Variants in GRIK5 observed in about 807,000 individuals in gnomAD.
GRIK5 encodes glutamate receptor ionotropic, kainate 5.
Under a neutral mutation model 97.4 loss-of-function variants are expected in GRIK5, and 43 were observed. The ratio of observed to expected loss-of-function variants is 0.44; its 90% confidence interval spans 0.35 to 0.57. The LOEUF (loss-of-function observed/expected upper bound fraction) is 0.57. Among genes scored for constraint, GRIK5 ranks in the 20% least tolerant of loss-of-function variants. The probability of loss-of-function intolerance (pLI) is 0.01; values close to 1 mark genes in which losing one functional copy is unlikely to be tolerated. For missense variants in GRIK5, 1,015 were observed against 1,382.0 expected, an observed-to-expected ratio of 0.73 and a Z score of 4.21; for synonymous variants, 580 against 583.5, an observed-to-expected ratio of 0.99 and a Z score of 0.09.
At chr19:42,060,554 C>T (rs937972599) in intron 5 of GRIK5, among the ~76,000 whole-genome samples, 2 of 151,116 alleles carry the variant, frequency 1.3e-5, no homozygotes, top group Non-Finnish European at 2.9e-5. Context: ...CCAGGCCTGG[C>T]ACATAGCAGC....
At chr19:42,014,313 G>T (rs2075600457) in intron 15 of GRIK5, among the ~76,000 whole-genome samples, 1 of 151,956 alleles carries the variant, frequency 6.6e-6, no homozygotes, top group Non-Finnish European at 1.5e-5. Context: ...AGAATTGCTT[G>T]AACCTGGGAG....
At chr19:42,035,182 T>C (rs2075887338) in intron 12 of GRIK5, among the ~76,000 whole-genome samples, 1 of 151,864 alleles carries the variant, frequency 6.6e-6, no homozygotes, top group African/African-American at 2.4e-5. Flanking sequence ...GGTTTCTCCA[T>C]GTTGGTCAGG....
At chr19:42,055,704 G>A (rs753362692) in intron 8 of GRIK5, among the ~76,000 whole-genome samples, 30 of 152,176 alleles carry the variant, frequency 2.0e-4, no homozygotes, top group Admixed American at 6.5e-4. Flanking sequence ...TTTTGAGACA[G>A]AGTCTTGCTC....
intron 12 of GRIK5, among the ~76,000 whole-genome samples, chr19:42,037,042 C>A (rs2075914807): frequency 6.6e-6 from 1 of 152,236 alleles, no homozygotes; most frequent in Admixed American, 6.5e-5. Context: ...TAGCCGACTC[C>A]AAAACCCATT....
At chr19:42,034,714 C>T (rs1193802083) in intron 12 of GRIK5, among the ~76,000 whole-genome samples, 1 of 152,096 alleles carries the variant, frequency 6.6e-6, no homozygotes, top group East Asian at 1.9e-4. Context: ...CCTTTTAGGT[C>T]TCTTCTCAAA....
intron 3 of GRIK5, among the ~76,000 whole-genome samples, chr19:42,063,758 C>T (rs2076290761): frequency 6.6e-6 from 1 of 152,140 alleles, no homozygotes; most frequent in Non-Finnish European, 1.5e-5. Context: ...TGCCTGAATC[C>T]AGCCATGCCT....
Position 42,062,620 on chromosome 19 carries a change from G to A in GRIK5, c.376C>T (p.Pro126Ser). 1 of 1,614,154 alleles carries A rather than the reference G, an allele frequency of 6.2e-7. No individual in the cohort carries two copies. The highest frequency in any genetic ancestry group is 2.2e-5 in the East Asian group (1 of 44,870). ...PHIKVGPEET[P>S]RLQYLRFASV... ...GCGAAGCGAAGGTACTGAAGGCGGG[G>A]TGTCTCCTCGGGACCCACCTTGATG... The change falls in exon 5 of 20, where the codon CCC becomes TCC. Residue 126 changes from proline (P) to serine (S), a missense_variant. Around this residue, in one of 5 missense-constraint regions of GRIK5, gnomAD observed 198 missense variants for 218.2 expected, o/e 0.91. Coordinates refer to ENST00000593562, the MANE Select transcript of GRIK5 (RefSeq NM_002088.5). This position sits in a 1 kb window ranked among gnomAD's most constrained non-coding sequence, Gnocchi z 5.3.
intron 12 of GRIK5, among the ~76,000 whole-genome samples, chr19:42,040,778 C>T (rs1027305012): frequency 7.9e-5 from 12 of 152,028 alleles, no homozygotes; most frequent in Non-Finnish European, 1.6e-4. Flanking sequence ...CGCTTGAACC[C>T]GGGAGGTGGA....
At chr19:42,053,570 C>T in intron 11 of GRIK5, 32 bp downstream of exon 11, 1 of 1,308,558 alleles carries the variant, frequency 7.6e-7, no homozygotes, top group Non-Finnish European at 1.1e-6. Context: ...CAGGGCAGCG[C>T]CACTCCCAGG....
At chr19:42,041,075 T>C (rs926346304) in intron 12 of GRIK5, among the ~76,000 whole-genome samples, 3 of 152,048 alleles carry the variant, frequency 2.0e-5, no homozygotes, top group Non-Finnish European at 4.4e-5. Flanking sequence ...CTGAGGGAGT[T>C]TGCAATTGGA....
chr19:42,003,355 G>T lies in GRIK5; in HGVS notation c.2491C>A (p.Arg831=), dbSNP rs1555871517. Residue 831 remains arginine (R), a synonymous_variant, in exon 19 of 20, where the codon CGG becomes AGG. Transcript: ENST00000593562. This position sits in a 1 kb window ranked among gnomAD's most constrained non-coding sequence, Gnocchi z 4.2. ...ACCTCCTCGGACTCAGCTGACCTCC[G>T]TGTGGACCATATGAATTCCATGACC... is the stretch of plus-strand genomic sequence containing the variant. ...VAVMEFIWST[R]RSAESEEVSV... is the part of the protein sequence containing the mutation. 6.5e-7 allele frequency: 1 copy of T among 1,544,978 alleles called. No homozygotes were observed. Among genetic ancestry groups the T allele is most frequent in the South Asian group, 1.1e-5 (1 of 89,488 alleles).
intron 12 of GRIK5, among the ~76,000 whole-genome samples, chr19:42,034,369 G>A (rs962407616): frequency 1.3e-5 from 2 of 152,036 alleles, no homozygotes; most frequent in African/African-American, 4.8e-5. Context: ...GCAAGACCCT[G>A]TTTCAAAAAC....
At chr19:42,043,458 T>C (rs372507173) in intron 11 of GRIK5, among the ~76,000 whole-genome samples, 102 of 141,562 alleles carry the variant, frequency 7.2e-4, no homozygotes, top group African/African-American at 2.6e-3. Context: ...CAGGCTGGAG[T>C]GCAGTGGCGC....
intron 8 of GRIK5, 99 bp from the exon 9 acceptor site, chr19:42,054,571 C>T: frequency 7.4e-7 from 1 of 1,354,694 alleles, no homozygotes; most frequent in South Asian, 1.3e-5. Context: ...CCTCAAATAA[C>T]TTCCCTCTCC....
At chr19:42,014,238 C>CCAAAA (rs1568888307) in intron 15 of GRIK5, among the ~76,000 whole-genome samples, 1 of 151,136 alleles carries the variant, frequency 6.6e-6, no homozygotes, top group African/African-American at 2.4e-5. Flanking sequence ...TACTAAAATA[C>CCAAAA]AAAAAATTAG....
chr19:41,998,816 G>T lies in GRIK5; in HGVS notation c.*55C>A. ...GCGGGAGCGGAGACTGCTGGGGCCT[G>T]GGGCGGGCCCCGTCCCTTCGGTCAG... On this transcript the variant is annotated 3_prime_UTR_variant, in exon 20 of 20. Coordinates refer to ENST00000593562, the MANE Select transcript of GRIK5 (RefSeq NM_002088.5). 2 of 931,422 alleles carry T rather than the reference G, an allele frequency of 2.1e-6. No individual in the cohort carries two copies. Among genetic ancestry groups the T allele is most frequent in the South Asian group, 5.2e-5 (1 of 19,284 alleles). The allele number at this position is 931,422 out of a possible 1,614,324, so 57.7% of individuals were successfully genotyped here.
At chr19:42,018,031 C>T (rs1031491845) in intron 15 of GRIK5, among the ~76,000 whole-genome samples, 1 of 151,480 alleles carries the variant, frequency 6.6e-6, no homozygotes, top group Non-Finnish European at 1.5e-5. Flanking sequence ...TACTGACTCC[C>T]GGCTGGGCGT....
In GRIK5 at chr19:42,006,318, A is replaced by G. The variant is rs1555872678; in HGVS notation, c.2037+327T>C. Among the ~76,000 whole-genome samples, 2 of 152,038 alleles carry G rather than the reference A, an allele frequency of 1.3e-5. No individual in the cohort carries two copies. Among genetic ancestry groups the G allele is most frequent in the Non-Finnish European group, 1.5e-5 (1 of 67,982 alleles). ...CCACCACCCCAAAATACAAAAGATC[A>G]AGCACTTTTCACCTTGAAGGGCCTT... On this transcript the variant is annotated intron_variant, in intron 16 of 19. Transcript: ENST00000593562. The surrounding 1 kb of genome is among the most constrained non-coding windows in gnomAD (Gnocchi z 5.3).
chr19:42,058,825 CAAA>C (rs768060100), intron 6 of GRIK5, among the ~76,000 whole-genome samples: 8 of 62,732 alleles, frequency 1.3e-4, no homozygotes, highest in Admixed American at 1.9e-4. Context: ...GACTCCGTCT[CAAA>C]AAAAAAAAAA....
Sources: gnomAD v4.1 joint callset for allele counts (sites outside exome capture counted in the v4.1 genomes callset) on GRCh38, gnomAD v4.1.1 for gene constraint, gnomAD v4.1.1 regional missense constraint, Gnocchi (gnomAD v3.1) non-coding constraint, MANE v1.5 for transcripts, NCBI Gene and HGNC (gene_info 2026-07-23, HGNC 2026-07-21) for gene names.